The following SPAG9 variants were observed in gnomAD, a reference collection of about 807,000 sequenced individuals.
SPAG9 encodes sperm associated antigen 9.
A neutral mutation model predicts 166.5 loss-of-function variants in SPAG9; 35 were observed. That is an observed-to-expected ratio of 0.21 (90% CI 0.16 to 0.28). The LOEUF (loss-of-function observed/expected upper bound fraction) is 0.28, where lower values mean the gene tolerates loss of function less well. Among genes scored for constraint, SPAG9 ranks in the 10% least tolerant of loss-of-function variants. The pLI, the probability that SPAG9 is intolerant of heterozygous loss-of-function variation, is 1.00. For missense variants in SPAG9, 1,235 were observed against 1,603.3 expected (o/e 0.77, Z 3.92); for synonymous variants, 534 against 565.5 (o/e 0.94, Z 0.79).
intron 3 of SPAG9, among the ~76,000 whole-genome samples, chr17:51,049,136 T>C (rs2047111326): frequency 6.6e-6 from 1 of 152,116 alleles, no homozygotes; most frequent in African/African-American, 2.4e-5. Context: ...CCCAGCACTT[T>C]GGGAGGTAGG....
At chr17:51,112,928 T>A (rs982911820) in intron 1 of SPAG9, among the ~76,000 whole-genome samples, 1 of 145,226 alleles carries the variant, frequency 6.9e-6, no homozygotes, top group Non-Finnish European at 1.5e-5. Context: ...TGGGCCATGA[T>A]TGCACAACTG....
chr17:51,053,871 ATATATATATATATATATATATATATAT>A (rs2047271928), intron 3 of SPAG9, among the ~76,000 whole-genome samples: 1 of 97,384 alleles, frequency 1.0e-5, no homozygotes, highest in Admixed American at 9.5e-5. Context: ...ATATATATAT[ATATATATATATATATATATATATATAT>A]AAAACATATA....
At chr17:51,060,838 G>A (rs975854111) in intron 2 of SPAG9, among the ~76,000 whole-genome samples, 1 of 146,750 alleles carries the variant, frequency 6.8e-6, no homozygotes. Flanking sequence ...AGAGAAAAGG[G>A]TTTTTTTTGT....
At chr17:51,084,017 T>C (rs2048241219) in intron 1 of SPAG9, 1 of 152,114 alleles carries the variant, frequency 6.6e-6, no homozygotes, top group Admixed American at 6.6e-5. Context: ...ATATTCAAGA[T>C]GACCATATAT....
At chr17:50,966,718 C>T (rs559868725) in intron 29 of SPAG9, among the ~76,000 whole-genome samples, 2 of 152,246 alleles carry the variant, frequency 1.3e-5, no homozygotes, top group Admixed American at 6.5e-5. Context: ...TGTGTTCATC[C>T]AAAATGAAGA....
intron 1 of SPAG9, among the ~76,000 whole-genome samples, chr17:51,113,552 C>T (rs2049188114): frequency 6.7e-6 from 1 of 149,068 alleles, no homozygotes; most frequent in Non-Finnish European, 1.5e-5. Flanking sequence ...TGGTTGTGAG[C>T]ACCTGTAGTC....
At position 50,962,669 on chromosome 17, in the gene SPAG9, C is replaced by T. The variant is rs1973186240; in HGVS notation, c.*3603G>A. On this transcript the variant is annotated 3_prime_UTR_variant, in exon 30 of 30. Coordinates refer to ENST00000262013, the MANE Select transcript of SPAG9 (RefSeq NM_001130528.3). ...GAGTCCTTTGGTAACGGTCATAATA[C>T]TCACAAGGAAATAAATATTCAGTTC... 6.6e-6 allele frequency: 1 copy of T among 152,186 alleles called. No homozygotes were observed. The highest frequency in any genetic ancestry group is 1.5e-5 in the Non-Finnish European group (1 of 68,036). The allele number at this position is 152,186 out of a possible 1,614,324, so 9.4% of individuals were successfully genotyped here.
rs2046646737 is a variant in SPAG9 at position 51,037,665 on chromosome 17, T to TATATATATATATA, written c.741+3835_741+3836insTATATATATATAT. ...AATAAAATAAGTAAATATATGTGTT[T>TATATATATATATA]TATATATATATATATATATAGTGTG... On this transcript the variant is annotated intron_variant, in intron 5 of 29. Transcript: ENST00000262013. Among the ~76,000 whole-genome samples the TATATATATATATA allele has an allele frequency of 3.5e-3, 324 of 92,758 alleles. 1 individual carries two copies. Among genetic ancestry groups the TATATATATATATA allele is most frequent in the African/African-American group, 0.011 (302 of 26,752 alleles). 60.9% of individuals were successfully genotyped at this position (92,758 alleles called of 152,430 possible). A position where few individuals can be genotyped will look rare whatever the true frequency, so the allele number is the denominator to read the frequency against.
At chr17:51,105,809 G>C (rs1167671262) in intron 1 of SPAG9, among the ~76,000 whole-genome samples, 1 of 151,880 alleles carries the variant, frequency 6.6e-6, no homozygotes, top group Non-Finnish European at 1.5e-5. Context: ...GATGGAGCTT[G>C]CAGTGAGCCG....
chr17:51,003,002 A>G (rs1449769308), intron 12 of SPAG9, among the ~76,000 whole-genome samples: 16 of 151,516 alleles, frequency 1.1e-4, no homozygotes, highest in Non-Finnish European at 1.9e-4. Flanking sequence ...AAAAAAAAAA[A>G]AGCATAGAAT....
chr17:51,100,324 G>T (rs1253810437), intron 1 of SPAG9, among the ~76,000 whole-genome samples: 1 of 129,440 alleles, frequency 7.7e-6, no homozygotes, highest in Non-Finnish European at 1.9e-5. Flanking sequence ...TAAAACTAGG[G>T]TCAGGCACAG....
chr17:50,969,120 A>G (rs1322344921), intron 29 of SPAG9, among the ~76,000 whole-genome samples: 1 of 151,926 alleles, frequency 6.6e-6, no homozygotes, highest in Admixed American at 6.6e-5. Flanking sequence ...TTTATTAGAG[A>G]CTGGGTTTAG....
At chr17:51,041,842 T>C (rs1174899027) in intron 4 of SPAG9, among the ~76,000 whole-genome samples, 191 bp from the exon 5 acceptor site, 1 of 152,180 alleles carries the variant, frequency 6.6e-6, no homozygotes, top group African/African-American at 2.4e-5. Context: ...CTCAGGAAAT[T>C]AGCCTCAAGA....
intron 1 of SPAG9, among the ~76,000 whole-genome samples, chr17:51,093,712 A>G (rs902355064): frequency 6.0e-5 from 9 of 149,656 alleles, no homozygotes; most frequent in South Asian, 4.2e-4. Flanking sequence ...AAAAAAAAAA[A>G]AAAGAAAATT....
intron 1 of SPAG9, among the ~76,000 whole-genome samples, chr17:51,106,452 G>A (rs1193726682): frequency 6.6e-6 from 1 of 152,098 alleles, no homozygotes; most frequent in Non-Finnish European, 1.5e-5. Context: ...GACAAGATAG[G>A]CTACCTTCCT....
At chr17:51,063,671 G>T (rs1310376472) in intron 2 of SPAG9, among the ~76,000 whole-genome samples, 1 of 152,068 alleles carries the variant, frequency 6.6e-6, no homozygotes, top group Non-Finnish European at 1.5e-5. Context: ...ATCACCTGAG[G>T]TCAGGAGTTG....
intron 6 of SPAG9, chr17:51,030,961 C>T (rs1271429630): frequency 2.1e-5 from 3 of 144,392 alleles, no homozygotes; most frequent in African/African-American, 7.8e-5. Flanking sequence ...GTTGCCCAGG[C>T]TGGAAGGCAG....
chr17:51,114,831 A>T (rs1372013230), intron 1 of SPAG9, among the ~76,000 whole-genome samples: 2 of 151,980 alleles, frequency 1.3e-5, no homozygotes, highest in East Asian at 3.9e-4. Context: ...GCACACCTGT[A>T]ATCCCAGCTA....
In SPAG9 at chr17:50,987,166, G is replaced by A; in HGVS notation, c.2885C>T (p.Ala962Val). 3.7e-6 allele frequency: 6 copies of A among 1,613,272 alleles called. No individual in the cohort carries two copies. Among genetic ancestry groups the A allele is most frequent in the Admixed American group, 1.7e-5 (1 of 59,926 alleles). ...PNEQDLVREEAQKMSSLLPTM... is the reference protein window; with the variant it reads ...PNEQDLVREEVQKMSSLLPTM... ...TGGTAAAAGACTACTCATTTTCTGG[G>A]CTTCTTCTCTCACCAAGTCTTGTTC... The change falls in exon 22 of 30, where the codon GCC becomes GTC. Residue 962 changes from alanine to valine, a missense_variant. By Grantham distance (64) the Ala-to-Val change is moderately conservative (BLOSUM62 0). Coordinates refer to ENST00000262013, the MANE Select transcript of SPAG9 (RefSeq NM_001130528.3).
Sources: gnomAD v4.1 joint callset for allele counts (sites outside exome capture counted in the v4.1 genomes callset) on GRCh38, gnomAD v4.1.1 for gene constraint, MANE v1.5 for transcripts, NCBI Gene and HGNC (gene_info 2026-07-23, HGNC 2026-07-21) for gene names.